The following POFUT3 variants were observed in gnomAD, a reference collection of about 807,000 sequenced individuals.
POFUT3 encodes the protein GDP-fucose protein O-fucosyltransferase 3.
At chr8:33,358,954 C>A in the POFUT3 span, among the ~76,000 whole-genome samples, 1 of 152,128 alleles carries the variant, frequency 6.6e-6, no homozygotes, top group Admixed American at 6.6e-5. Flanking sequence ...GACACCAAAT[C>A]AGCTGGCACC....
the POFUT3 span, among the ~76,000 whole-genome samples, chr8:33,442,595 T>C: frequency 6.6e-6 from 1 of 151,522 alleles, no homozygotes; most frequent in Admixed American, 6.6e-5. Context: ...CATCTGTCAC[T>C]TCTTAACCAA....
At chr8:33,434,511 T>TA in the POFUT3 span, among the ~76,000 whole-genome samples, 2 of 152,198 alleles carry the variant, frequency 1.3e-5, no homozygotes, top group East Asian at 3.9e-4. Flanking sequence ...ATGACCCTGC[T>TA]ACCTAGGACC....
At chr8:33,383,677 T>G in the POFUT3 span, among the ~76,000 whole-genome samples, 2 of 152,106 alleles carry the variant, frequency 1.3e-5, no homozygotes, top group African/African-American at 2.4e-5. Context: ...TGCACACCTG[T>G]AATCCCAGCT....
the POFUT3 span, among the ~76,000 whole-genome samples, chr8:33,400,510 C>T: frequency 6.6e-6 from 1 of 150,822 alleles, no homozygotes; most frequent in Non-Finnish European, 1.5e-5. Context: ...GGTGGATAGA[C>T]GGATGAAGGA....
At chr8:33,317,129 A>T in the POFUT3 span, among the ~76,000 whole-genome samples, 1 of 152,272 alleles carries the variant, frequency 6.6e-6, no homozygotes, top group Non-Finnish European at 1.5e-5. Context: ...CAACCTGATA[A>T]GTAAGAAAGT....
the POFUT3 span, among the ~76,000 whole-genome samples, chr8:33,309,163 AAAAAATATATATATATATAT>A: frequency 1.4e-5 from 1 of 69,696 alleles, no homozygotes; most frequent in African/African-American, 1.0e-4. Flanking sequence ...AAAAAAAAAA[AAAAAATATATATATATATAT>A]ATATATATAT....
the POFUT3 span, among the ~76,000 whole-genome samples, chr8:33,329,411 C>T: frequency 6.6e-6 from 1 of 152,208 alleles, no homozygotes; most frequent in Non-Finnish European, 1.5e-5. Context: ...CTAATTCTTA[C>T]AAGGTCTATT....
At chr8:33,447,440 C>T in the POFUT3 span, among the ~76,000 whole-genome samples, 1 of 134,320 alleles carries the variant, frequency 7.4e-6, no homozygotes, top group Non-Finnish European at 1.6e-5. Flanking sequence ...CAGGGCAAGA[C>T]TCCATCTCAA....
the POFUT3 span, among the ~76,000 whole-genome samples, chr8:33,391,460 A>T: frequency 6.6e-6 from 1 of 152,218 alleles, no homozygotes; most frequent in Non-Finnish European, 1.5e-5. Flanking sequence ...TATACCTGAA[A>T]TCTAATGGCA....
the POFUT3 span, chr8:33,453,155 G>GT: frequency 6.5e-7 from 1 of 1,537,818 alleles, no homozygotes. Context: ...GAGGTAAACT[G>GT]TAACTCAGCT....
chr8:33,465,961 T>C, the POFUT3 span, among the ~76,000 whole-genome samples: 1 of 152,248 alleles, frequency 6.6e-6, no homozygotes, highest in Non-Finnish European at 1.5e-5. Context: ...TTATAGCTAC[T>C]GCATAGCTCA....
chr8:33,398,061 A>G, the POFUT3 span, among the ~76,000 whole-genome samples: 2 of 152,218 alleles, frequency 1.3e-5, no homozygotes, highest in Non-Finnish European at 2.9e-5. Flanking sequence ...CCAATATTCA[A>G]TCTAGACTAA....
the POFUT3 span, among the ~76,000 whole-genome samples, chr8:33,318,223 C>A: frequency 6.6e-6 from 1 of 151,624 alleles, no homozygotes; most frequent in Non-Finnish European, 1.5e-5. Flanking sequence ...TTTGTATTTT[C>A]GTCTGAAGTT....
the POFUT3 span, among the ~76,000 whole-genome samples, chr8:33,471,373 G>A: frequency 2.6e-5 from 4 of 151,986 alleles, no homozygotes; most frequent in Non-Finnish European, 5.9e-5. Context: ...TCAGCCTCCC[G>A]AGTAGCTGGA....
At chr8:33,455,937 C>G in the POFUT3 span, 1 of 424,774 alleles carries the variant, frequency 2.4e-6, no homozygotes, top group Non-Finnish European at 4.6e-6. Flanking sequence ...GAAAGCCAAG[C>G]AGCACTCCAG....
At chr8:33,352,534 T>A in the POFUT3 span, among the ~76,000 whole-genome samples, 1 of 152,176 alleles carries the variant, frequency 6.6e-6, no homozygotes, top group African/African-American at 2.4e-5. Flanking sequence ...TTTTTTTAAA[T>A]GAACCCACAT....
At chr8:33,321,260 G>A in the POFUT3 span, among the ~76,000 whole-genome samples, 1 of 152,066 alleles carries the variant, frequency 6.6e-6, no homozygotes, top group Non-Finnish European at 1.5e-5. Flanking sequence ...AAAGTTCTCT[G>A]GCTTATAAAA....
At chr8:33,358,253 A>C in the POFUT3 span, among the ~76,000 whole-genome samples, 316 of 152,272 alleles carry the variant, frequency 2.1e-3, 1 homozygote, top group African/African-American at 7.2e-3. Context: ...ACCCTGTCTC[A>C]AAAATAAATA....
At chr8:33,393,110 A>G in the POFUT3 span, among the ~76,000 whole-genome samples, 1 of 152,232 alleles carries the variant, frequency 6.6e-6, no homozygotes, top group Non-Finnish European at 1.5e-5. Context: ...TGGCTCAGAA[A>G]AAAACTGAGT....
Sources: allele counts gnomAD v4.1 joint callset (sites outside exome capture counted in the v4.1 genomes callset), GRCh38; gene constraint gnomAD v4.1.1; transcripts MANE v1.5; gene names NCBI Gene and HGNC (gene_info 2026-07-23, HGNC 2026-07-21).